The following NAPG variants were observed in gnomAD, a reference collection of about 807,000 sequenced individuals.
NAPG encodes gamma-soluble NSF attachment protein.
In NAPG, 25 loss-of-function variants were observed where a neutral mutation model predicts 48.4. That is an observed-to-expected ratio of 0.52 (90% CI 0.38 to 0.72). NAPG has a LOEUF of 0.72. NAPG is among the 30% of genes least tolerant of loss of function. The probability of loss-of-function intolerance (pLI) is 0.00; values close to 1 mark genes in which losing one functional copy is unlikely to be tolerated. For synonymous variants in NAPG, 139 were observed against 127.2 expected (o/e 1.09, Z -0.62); for missense variants, 359 against 372.5 (o/e 0.96, Z 0.30).
rs897425289 is a variant in NAPG at position 10,539,565 on chromosome 18, G to A, written c.259-197G>A. On this transcript the variant is annotated intron_variant, in intron 5 of 11. Transcript: ENST00000322897. This position sits in a 1 kb window ranked among gnomAD's most constrained non-coding sequence, Gnocchi z 4.7. ...ACTAGGACAAATACCTAATGCATGC[G>A]GGGCTTAAAACCTAGATGATGGGTT... is the stretch of plus-strand genomic sequence containing the variant. 3.8e-5 allele frequency: 21 copies of A among 547,610 alleles called. No homozygotes were observed. The highest frequency in any genetic ancestry group is 1.1e-4 in the African/African-American group (6 of 52,676). The allele number at this position is 547,610 out of a possible 1,614,324, so 33.9% of individuals were successfully genotyped here. A position where few individuals can be genotyped will look rare whatever the true frequency, so the allele number is the denominator to read the frequency against.
Position 10,539,728 on chromosome 18 carries a change from T to C in NAPG, c.259-34T>C. On this transcript the variant is annotated intron_variant, in intron 5 of 11. Transcript: ENST00000322897. This position sits in a 1 kb window ranked among gnomAD's most constrained non-coding sequence, Gnocchi z 4.7. ...CTCTGTTTTTCTTTAATTGATGCATTTGCTGACCTGTCTACTGTATCCTTT... is the reference window on the plus strand; with the variant it reads ...CTCTGTTTTTCTTTAATTGATGCATCTGCTGACCTGTCTACTGTATCCTTT... 2 of 1,515,002 alleles carry C rather than the reference T, an allele frequency of 1.3e-6. No homozygotes were observed. The highest frequency in any genetic ancestry group is 9.1e-7 in the Non-Finnish European group (1 of 1,097,840). 93.8% of individuals were successfully genotyped at this position (1,515,002 alleles called of 1,614,324 possible).
chr18:10,530,964 A>G (rs1462143169), intron 2 of NAPG, 127 bp downstream of exon 2: 1 of 736,922 alleles, frequency 1.4e-6, no homozygotes, highest in Non-Finnish European at 2.0e-6. Flanking sequence ...AAACAAAACA[A>G]CTGTGCAAGC....
At chr18:10,527,098 G>T (rs1474485886) in intron 1 of NAPG, among the ~76,000 whole-genome samples, 1 of 148,258 alleles carries the variant, frequency 6.7e-6, no homozygotes, top group African/African-American at 2.5e-5. Flanking sequence ...TGAGGCAGGA[G>T]AATGGCCTGA....
At position 10,534,621 on chromosome 18, in the gene NAPG, T is replaced by C; in HGVS notation, c.258+125T>C. On this transcript the variant is annotated intron_variant, in intron 5 of 11. Transcript: ENST00000322897. This position sits in a 1 kb window ranked among gnomAD's most constrained non-coding sequence, Gnocchi z 5.0. ...AAGGCAAGAGGTGCTAAGTTAAGATTTTCTGTCCACGGTAACGTTAATTGG... is the reference window on the plus strand; with the variant it reads ...AAGGCAAGAGGTGCTAAGTTAAGATCTTCTGTCCACGGTAACGTTAATTGG... 1.2e-6 allele frequency: 1 copy of C among 819,212 alleles called. No homozygotes were observed. Among genetic ancestry groups the C allele is most frequent in the Non-Finnish European group, 2.1e-6 (1 of 486,354 alleles). 50.7% of individuals were successfully genotyped at this position (819,212 alleles called of 1,614,324 possible).
Position 10,526,130 on chromosome 18 carries a change from C to T in NAPG, c.28C>T (p.Leu10=). ...GGCGGCTCAGAAGATAAACGAGGGG[C>T]TGGAACACCTCGCCAAAGCAGAGAA... MAAQKINEG[L]EHLAKAEKYL... The change falls in exon 1 of 12, where the codon CTG becomes TTG. Residue 10 remains leucine, a synonymous_variant. Coordinates refer to ENST00000322897, the MANE Select transcript of NAPG (RefSeq NM_003826.3). 2 of 1,613,028 alleles carry T rather than the reference C, an allele frequency of 1.2e-6. No homozygotes were observed. Among genetic ancestry groups the T allele is most frequent in the Middle Eastern group, 1.7e-4 (1 of 6,004 alleles).
rs1236404753 is a variant in NAPG at position 10,534,765 on chromosome 18, A to G, written c.258+269A>G. On this transcript the variant is annotated intron_variant, in intron 5 of 11. Transcript: ENST00000322897. The surrounding 1 kb of genome is among the most constrained non-coding windows in gnomAD (Gnocchi z 5.0). Reference sequence around the variant, plus strand: ...AGCTCTATAACCAGGATAGATGTGTATTGCTATAAAAAGAGCTCTATGGGA... The same window carrying G: ...AGCTCTATAACCAGGATAGATGTGTGTTGCTATAAAAAGAGCTCTATGGGA... Among the ~76,000 whole-genome samples the G allele has an allele frequency of 6.6e-6, 1 of 152,240 alleles. No individual in the cohort carries two copies. The highest frequency in any genetic ancestry group is 1.9e-4 in the East Asian group (1 of 5,204).
intron 5 of NAPG, among the ~76,000 whole-genome samples, chr18:10,538,050 G>A (rs2143114787): frequency 6.6e-6 from 1 of 151,706 alleles, no homozygotes; most frequent in South Asian, 2.1e-4. Context: ...AGTTGCTTAT[G>A]TAAACTTTAT....
intron 1 of NAPG, among the ~76,000 whole-genome samples, chr18:10,528,806 G>A (rs1372289943): frequency 6.6e-6 from 1 of 152,166 alleles, no homozygotes; most frequent in African/African-American, 2.4e-5. Flanking sequence ...CAGGCTTGAA[G>A]TGTTAGTTTG....
chr18:10,544,351 G>T lies in NAPG; in HGVS notation c.507-1975G>T, dbSNP rs975838145. On this transcript the variant is annotated intron_variant, in intron 8 of 11. Transcript: ENST00000322897. This position sits in a 1 kb window ranked among gnomAD's most constrained non-coding sequence, Gnocchi z 5.1. Reference sequence around the variant, plus strand: ...AGCAGAGCTAGGGTCTCACCAGGCCGAAATGAAGGTGTCGGAGGGGGCTGA... The same window carrying T: ...AGCAGAGCTAGGGTCTCACCAGGCCTAAATGAAGGTGTCGGAGGGGGCTGA... Among the ~76,000 whole-genome samples the T allele has an allele frequency of 2.0e-5, 3 of 152,330 alleles. No homozygotes were observed. Among genetic ancestry groups the T allele is most frequent in the Admixed American group, 1.3e-4 (2 of 15,300 alleles).
Position 10,548,260 on chromosome 18 carries a change from CAG to C in NAPG, c.586-37_586-36del, listed in dbSNP as rs755425684. 6.8e-7 allele frequency: 1 copy of C among 1,462,486 alleles called. No individual in the cohort carries two copies. The highest frequency in any genetic ancestry group is 9.6e-7 in the Non-Finnish European group (1 of 1,043,296). 90.6% of individuals were successfully genotyped at this position (1,462,486 alleles called of 1,614,324 possible). On this transcript the variant is annotated intron_variant, in intron 9 of 11. Transcript: ENST00000322897. The surrounding 1 kb of genome is among the most constrained non-coding windows in gnomAD (Gnocchi z 4.4). ...CTGCCAGGTTATTGACTTTATTAAA[CAG>C]ATGTAAATTTGACCATGATCCTCTC...
Position 10,534,381 on chromosome 18 carries a change from C to T in NAPG, c.228-85C>T. ...AGCCCATTGTAATTGAAGTCACTTTCCTTACCAGTAGTTCCTCACCAGAAA... is the reference window on the plus strand; with the variant it reads ...AGCCCATTGTAATTGAAGTCACTTTTCTTACCAGTAGTTCCTCACCAGAAA... On this transcript the variant is annotated intron_variant, in intron 4 of 11. Transcript: ENST00000322897. This position sits in a 1 kb window ranked among gnomAD's most constrained non-coding sequence, Gnocchi z 5.0. 9.0e-7 allele frequency: 1 copy of T among 1,114,484 alleles called. No individual in the cohort carries two copies. The highest frequency in any genetic ancestry group is 1.4e-6 in the Non-Finnish European group (1 of 732,326). The allele number at this position is 1,114,484 out of a possible 1,614,324, so 69.0% of individuals were successfully genotyped here. A position where few individuals can be genotyped will look rare whatever the true frequency, so the allele number is the denominator to read the frequency against.
Position 10,539,972 on chromosome 18 carries a change from T to C in NAPG, c.369-16T>C, listed in dbSNP as rs1447408463. On this transcript the variant is annotated splice_polypyrimidine_tract_variant and intron_variant, in intron 6 of 11. Transcript: ENST00000322897. This position sits in a 1 kb window ranked among gnomAD's most constrained non-coding sequence, Gnocchi z 4.7. ...TTCCATTTCTCATATAAGACATGTT[T>C]TCTTGTCTGATTCAGGCTTATAGAA... 6.2e-7 allele frequency: 1 copy of C among 1,606,130 alleles called. No individual in the cohort carries two copies. The highest frequency in any genetic ancestry group is 2.2e-5 in the East Asian group (1 of 44,782).
In NAPG at chr18:10,550,423, A is replaced by G. The variant is rs547243709; in HGVS notation, c.*203A>G. On this transcript the variant is annotated 3_prime_UTR_variant, in exon 12 of 12. Transcript: ENST00000322897. ...AAGCATATCTTTTTCTTTCCATAAG[A>G]GCTTTTCTAAGACACCAGCAGGAAT... 6.4e-6 allele frequency: 3 copies of G among 470,078 alleles called. No individual in the cohort carries two copies. Among genetic ancestry groups the G allele is most frequent in the South Asian group, 6.3e-5 (2 of 31,516 alleles). 29.1% of individuals were successfully genotyped at this position (470,078 alleles called of 1,614,324 possible).
Position 10,527,301 on chromosome 18 carries a change from C to G in NAPG, c.56+1143C>G, listed in dbSNP as rs190411117. On this transcript the variant is annotated intron_variant, in intron 1 of 11. Transcript: ENST00000322897. The stretch of plus-strand genomic sequence containing the variant: ...CACAATAACTTTCCAAATAGAGATT[C>G]TAATTTTTCGTAAGAGGAAATGAGA... Among the ~76,000 whole-genome samples, 399 of 152,094 alleles carry G rather than the reference C, an allele frequency of 2.6e-3. 1 individual carries two copies. The highest frequency in any genetic ancestry group is 8.8e-3 in the African/African-American group (366 of 41,466).
chr18:10,529,068 A>T (rs1359680362), intron 1 of NAPG, among the ~76,000 whole-genome samples: 3 of 152,230 alleles, frequency 2.0e-5, no homozygotes, highest in Non-Finnish European at 4.4e-5. Context: ...AACCCAAATT[A>T]GCTGTATATC....
chr18:10,546,487 T>C lies in NAPG; in HGVS notation c.585+83T>C, dbSNP rs2032269426. ...TGAATAAGTACTTAAGAAAGGATTC[T>C]ATGGGTATTTCTATGTTTTTGTAAA... On this transcript the variant is annotated intron_variant, in intron 9 of 11. Transcript: ENST00000322897. The surrounding 1 kb of genome is among the most constrained non-coding windows in gnomAD (Gnocchi z 4.0). 1.9e-5 allele frequency: 14 copies of C among 748,188 alleles called. No homozygotes were observed. Among genetic ancestry groups the C allele is most frequent in the Non-Finnish European group, 2.7e-5 (13 of 482,166 alleles). 46.3% of individuals were successfully genotyped at this position (748,188 alleles called of 1,614,324 possible).
rs1051100440 is a variant in NAPG, at chr18:10,551,084, AT to A, written c.*869del. On this transcript the variant is annotated 3_prime_UTR_variant, in exon 12 of 12. Coordinates refer to ENST00000322897, the MANE Select transcript of NAPG (RefSeq NM_003826.3). ...TCACGGCTCCCAGGCTAATGTTTTTATTTTTAATTTGTAATTTTTTTTTTAT... is the reference window on the plus strand; with the variant it reads ...TCACGGCTCCCAGGCTAATGTTTTTATTTTAATTTGTAATTTTTTTTTTAT... 6.1e-5 allele frequency: 9 copies of A among 148,676 alleles called. No individual in the cohort carries two copies. The highest frequency in any genetic ancestry group is 2.0e-4 in the African/African-American group (8 of 40,206). 9.2% of individuals were successfully genotyped at this position (148,676 alleles called of 1,614,324 possible).
At position 10,550,359 on chromosome 18, in the gene NAPG, A is replaced by G. The variant is rs192986652; in HGVS notation, c.*139A>G. 2.9e-4 allele frequency: 251 copies of G among 856,664 alleles called. No individual in the cohort carries two copies. In the East Asian group the frequency reaches 4.1e-3, roughly 14 times the overall value. 53.1% of individuals were successfully genotyped at this position (856,664 alleles called of 1,614,324 possible). A position where few individuals can be genotyped will look rare whatever the true frequency, so the allele number is the denominator to read the frequency against. On this transcript the variant is annotated 3_prime_UTR_variant, in exon 12 of 12. Coordinates refer to ENST00000322897, the MANE Select transcript of NAPG (RefSeq NM_003826.3). ...TCCTAATAAAGACTAGTTTTTAGTT[A>G]CCATCTTCCCAAATCACTCATTGTA... is the stretch of plus-strand genomic sequence containing the variant.
rs749745525 is a variant in NAPG, at chr18:10,548,372, G to C, written c.659G>C (p.Ser220Thr). ...YVAAERCVRE[S>T]YSIPGFNGSE... Reference sequence around the variant, plus strand: ...GCTGCAGAAAGATGTGTCCGGGAGAGCTATAGGTAAGACGTTGTCTGGGCC... The same window carrying C: ...GCTGCAGAAAGATGTGTCCGGGAGACCTATAGGTAAGACGTTGTCTGGGCC... Residue 220 changes from serine (S) to threonine (T), a missense_variant, in exon 10 of 12, where the codon AGC (serine) becomes ACC (threonine). By Grantham distance (58) the Ser-to-Thr change is moderately conservative. Coordinates refer to ENST00000322897, the MANE Select transcript of NAPG (RefSeq NM_003826.3). The surrounding 1 kb of genome is among the most constrained non-coding windows in gnomAD (Gnocchi z 4.4). 1.4e-5 allele frequency: 22 copies of C among 1,613,144 alleles called. No individual in the cohort carries two copies. The highest frequency in any genetic ancestry group is 1.8e-5 in the Non-Finnish European group (21 of 1,179,182).
Sources: allele counts gnomAD v4.1 joint callset (sites outside exome capture counted in the v4.1 genomes callset), GRCh38; gene constraint gnomAD v4.1.1; non-coding constraint Gnocchi (gnomAD v3.1); transcripts MANE v1.5; gene names NCBI Gene and HGNC (gene_info 2026-07-23, HGNC 2026-07-21).